Variants in LCLAT1 observed in about 807,000 individuals in gnomAD.
LCLAT1 encodes the protein 1-AGP acyltransferase 8.
LCLAT1 carries 11 observed loss-of-function variants against 30.7 expected under a neutral mutation model. That is an observed-to-expected ratio of 0.36 (90% CI 0.23 to 0.59). The LOEUF is 0.59. Among genes scored for constraint, LCLAT1 ranks in the 20% least tolerant of loss-of-function variants. LCLAT1 has a pLI of 0.77. For missense variants in LCLAT1, 402 were observed against 458.6 expected, an observed-to-expected ratio of 0.88 and a Z score of 1.13; for synonymous variants, 155 against 151.3, an observed-to-expected ratio of 1.02 and a Z score of -0.18.
chr2:30,458,004 C>T (rs898911059), intron 1 of LCLAT1, among the ~76,000 whole-genome samples: 4 of 150,734 alleles, frequency 2.7e-5, no homozygotes, highest in African/African-American at 9.8e-5. Flanking sequence ...AGACTGTGGG[C>T]AACTAATTTT....
At chr2:30,614,717 T>A (rs143911819) in intron 5 of LCLAT1, among the ~76,000 whole-genome samples, 104 of 152,282 alleles carry the variant, frequency 6.8e-4, no homozygotes, top group African/African-American at 2.5e-3. Context: ...GATACACATT[T>A]GGTAGGCATG....
intron 5 of LCLAT1, among the ~76,000 whole-genome samples, chr2:30,590,871 A>C (rs1380547030): frequency 1.3e-5 from 2 of 152,114 alleles, no homozygotes; most frequent in Admixed American, 6.5e-5. Context: ...CAGCAAAGAA[A>C]TGCCTAGCCA....
intron 5 of LCLAT1, among the ~76,000 whole-genome samples, chr2:30,594,575 G>GTGTA (rs2148482245): frequency 6.6e-6 from 1 of 152,324 alleles, no homozygotes; most frequent in South Asian, 2.1e-4. Flanking sequence ...GTATGTGCAT[G>GTGTA]TGTATGTGTG....
rs116836983 is a variant in LCLAT1 at position 30,565,546 on chromosome 2, A to C, written c.512-2514A>C. ...AATTAGCCATCACAATTAGTATGTG[A>C]TAATTTTGAGTTCCATTTCCCTGAT... is the stretch of plus-strand genomic sequence containing the variant. On this transcript the variant is annotated intron_variant, in intron 4 of 5. Coordinates refer to ENST00000379509, the MANE Select transcript of LCLAT1 (RefSeq NM_001002257.3). 6.6e-3 allele frequency among the ~76,000 whole-genome samples: 1,012 copies of C among 152,290 alleles called. 10 individuals are homozygous for C. Among genetic ancestry groups the C allele is most frequent in the African/African-American group, 0.023 (961 of 41,568 alleles).
chr2:30,568,226 C>G (rs200770060), intron 5 of LCLAT1, 50 bp downstream of exon 5: 2 of 988,098 alleles, frequency 2.0e-6, no homozygotes, highest in East Asian at 4.9e-5. Flanking sequence ...GCAAAAATTG[C>G]TAAGCTTTAT....
chr2:30,626,322 CTT>C (rs1025565148), intron 5 of LCLAT1, among the ~76,000 whole-genome samples: 4 of 152,070 alleles, frequency 2.6e-5, no homozygotes, highest in African/African-American at 9.7e-5. Flanking sequence ...TGTTACTGCT[CTT>C]GTTTTCACAT....
At chr2:30,493,965 C>T (rs1683971113) in intron 1 of LCLAT1, among the ~76,000 whole-genome samples, 1 of 151,982 alleles carries the variant, frequency 6.6e-6, no homozygotes, top group South Asian at 2.1e-4. Flanking sequence ...CCAGCCTGGT[C>T]AACATAGTGA....
chr2:30,503,566 G>A (rs902218479), intron 1 of LCLAT1, among the ~76,000 whole-genome samples: 2 of 152,150 alleles, frequency 1.3e-5, no homozygotes, highest in African/African-American at 4.8e-5. Context: ...CTTAGCATGG[G>A]TGTATGTGGT....
intron 1 of LCLAT1, among the ~76,000 whole-genome samples, chr2:30,492,913 A>C (rs1209826671): frequency 6.6e-6 from 1 of 152,202 alleles, no homozygotes; most frequent in Non-Finnish European, 1.5e-5. Flanking sequence ...CTGTAAATTT[A>C]TACCCTTATT....
chr2:30,635,043 A>G (rs768737469), intron 5 of LCLAT1, among the ~76,000 whole-genome samples: 14 of 152,208 alleles, frequency 9.2e-5, no homozygotes, highest in Non-Finnish European at 1.9e-4. Context: ...CAAGAAGTAC[A>G]GAGTTACATG....
At chr2:30,590,199 C>T (rs1027107015) in intron 5 of LCLAT1, among the ~76,000 whole-genome samples, 1 of 152,006 alleles carries the variant, frequency 6.6e-6, no homozygotes, top group Admixed American at 6.6e-5. Context: ...TAAATAAACG[C>T]CTAGTGATTT....
chr2:30,512,131 A>C (rs1156867985), intron 1 of LCLAT1, among the ~76,000 whole-genome samples: 1 of 152,136 alleles, frequency 6.6e-6, no homozygotes, highest in East Asian at 1.9e-4. Context: ...GAGCACAATT[A>C]GATATTTCAT....
intron 1 of LCLAT1, chr2:30,476,366 G>A: frequency 2.2e-6 from 1 of 456,596 alleles, no homozygotes; most frequent in South Asian, 1.5e-5. Flanking sequence ...GAGGTGAATG[G>A]CAGGACAGCA....
At chr2:30,594,996 T>C (rs1335021931) in intron 5 of LCLAT1, among the ~76,000 whole-genome samples, 1 of 152,182 alleles carries the variant, frequency 6.6e-6, no homozygotes, top group Non-Finnish European at 1.5e-5. Flanking sequence ...CCTGTTGACT[T>C]TATTGGTTTT....
At chr2:30,520,228 T>A (rs1185232320) in intron 1 of LCLAT1, among the ~76,000 whole-genome samples, 1 of 152,036 alleles carries the variant, frequency 6.6e-6, no homozygotes, top group Non-Finnish European at 1.5e-5. Flanking sequence ...CCCACCACCA[T>A]CTTGGGAGTT....
chr2:30,566,620 G>A (rs961608899), intron 4 of LCLAT1, among the ~76,000 whole-genome samples: 17 of 152,134 alleles, frequency 1.1e-4, no homozygotes, highest in African/African-American at 2.2e-4. Flanking sequence ...AAGTTGTGTC[G>A]ATATAGATAT....
At chr2:30,474,000 A>G (rs565602722) in intron 1 of LCLAT1, among the ~76,000 whole-genome samples, 1 of 152,254 alleles carries the variant, frequency 6.6e-6, no homozygotes, top group Non-Finnish European at 1.5e-5. Flanking sequence ...CTTACCAATA[A>G]TAAGAAAACT....
chr2:30,560,190 C>G (rs1484663355), intron 3 of LCLAT1, among the ~76,000 whole-genome samples: 2 of 152,042 alleles, frequency 1.3e-5, no homozygotes, highest in East Asian at 3.9e-4. Context: ...ATCAGCAAGA[C>G]TTATACACTG....
At chr2:30,476,459 G>A (rs1367494778) in intron 1 of LCLAT1, 1 of 456,606 alleles carries the variant, frequency 2.2e-6, no homozygotes, top group Non-Finnish European at 4.4e-6. Flanking sequence ...ATCCGCCACT[G>A]CATTCGATTC....
Sources: allele counts gnomAD v4.1 joint callset (sites outside exome capture counted in the v4.1 genomes callset), GRCh38; gene constraint gnomAD v4.1.1; transcripts MANE v1.5; gene names NCBI Gene and HGNC (gene_info 2026-07-23, HGNC 2026-07-21).